MLLT3: variants seen among roughly 807,000 people sequenced by gnomAD.
MLLT3 encodes protein AF-9.
A neutral mutation model predicts 53.2 loss-of-function variants in MLLT3; 4 were observed. That is an observed-to-expected ratio of 0.08 (90% CI 0.04 to 0.17). MLLT3 has a LOEUF of 0.17. MLLT3 is among the 10% of genes least tolerant of loss of function. The pLI is 1.00. For missense variants in MLLT3, 569 were observed against 684.0 expected, an observed-to-expected ratio of 0.83 and a Z score of 1.87; for synonymous variants, 283 against 230.6, an observed-to-expected ratio of 1.23 and a Z score of -2.06.
intron 2 of MLLT3, among the ~76,000 whole-genome samples, chr9:20,512,313 A>G (rs1007682147): frequency 3.9e-5 from 6 of 152,182 alleles, no homozygotes; most frequent in Non-Finnish European, 8.8e-5. Flanking sequence ...GCATGCCACC[A>G]TGAATCAGCA....
intron 2 of MLLT3, among the ~76,000 whole-genome samples, chr9:20,505,948 C>A (rs1825370372): frequency 6.6e-6 from 1 of 152,212 alleles, no homozygotes; most frequent in Non-Finnish European, 1.5e-5. Flanking sequence ...CATGGTCCAA[C>A]TTTACATTCC....
At chr9:20,509,819 T>C (rs1322441144) in intron 2 of MLLT3, among the ~76,000 whole-genome samples, 1 of 152,136 alleles carries the variant, frequency 6.6e-6, no homozygotes, top group African/African-American at 2.4e-5. Context: ...CTAAGTTTTA[T>C]TGTAAAAGAA....
chr9:20,477,629 C>T (rs1824558988), intron 2 of MLLT3, among the ~76,000 whole-genome samples: 1 of 152,042 alleles, frequency 6.6e-6, no homozygotes, highest in South Asian at 2.1e-4. Flanking sequence ...CTCTGGGGCC[C>T]AGGAAGAGTC....
chr9:20,463,310 A>G (rs938810491), intron 2 of MLLT3, among the ~76,000 whole-genome samples: 4 of 152,114 alleles, frequency 2.6e-5, no homozygotes, highest in Non-Finnish European at 5.9e-5. Context: ...TCTTTAACAT[A>G]CGCACAACAT....
At chr9:20,362,498 G>A (rs552219177) in intron 7 of MLLT3, among the ~76,000 whole-genome samples, 13 of 152,164 alleles carry the variant, frequency 8.5e-5, no homozygotes, top group South Asian at 4.1e-4. Flanking sequence ...ATAAGGCCAT[G>A]GGCATATTAA....
chr9:20,343,344 A>AT lies in MLLT3; in HGVS notation c.*3098dup, dbSNP rs1011018531. 12 of 209,338 alleles carry AT rather than the reference A, an allele frequency of 5.7e-5. No individual in the cohort carries two copies. Among genetic ancestry groups the AT allele is most frequent in the Non-Finnish European group, 1.9e-5 (2 of 103,216 alleles). 13.0% of individuals were successfully genotyped at this position (209,338 alleles called of 1,614,324 possible). A position where few individuals can be genotyped will look rare whatever the true frequency, so the allele number is the denominator to read the frequency against. The stretch of plus-strand genomic sequence containing the variant: ...TGTTTAAGACACTCTCTTAAGAGAT[A>AT]TTTTTTTCCTGATCTGAAGTTTTTA... On this transcript the variant is annotated 3_prime_UTR_variant, in exon 11 of 11. Coordinates refer to ENST00000380338, the MANE Select transcript of MLLT3 (RefSeq NM_004529.4).
At position 20,346,405 on chromosome 9, in the gene MLLT3, A is replaced by C. The variant is rs745589977; in HGVS notation, c.*38T>G. Reference sequence around the variant, plus strand: ...AAAAAAAAAAAAAACCAAAAAAAAAAAACACAATAGTTCTTGATGCATCCA... The same window carrying C: ...AAAAAAAAAAAAAACCAAAAAAAAACAACACAATAGTTCTTGATGCATCCA... On this transcript the variant is annotated 3_prime_UTR_variant, in exon 11 of 11. Transcript: ENST00000380338. The C allele has an allele frequency of 6.8e-7, 1 of 1,474,554 alleles. No individual in the cohort carries two copies. The highest frequency in any genetic ancestry group is 9.0e-7 in the Non-Finnish European group (1 of 1,110,994). The allele number at this position is 1,474,554 out of a possible 1,614,324, so 91.3% of individuals were successfully genotyped here. A position where few individuals can be genotyped will look rare whatever the true frequency, so the allele number is the denominator to read the frequency against.
chr9:20,580,535 A>C (rs1182842602), intron 2 of MLLT3, among the ~76,000 whole-genome samples: 1 of 152,022 alleles, frequency 6.6e-6, no homozygotes, highest in Non-Finnish European at 1.5e-5. Flanking sequence ...TTTTTAATCC[A>C]TTTGCTTTGA....
At chr9:20,356,346 G>A (rs1330597278) in intron 8 of MLLT3, among the ~76,000 whole-genome samples, 1 of 152,072 alleles carries the variant, frequency 6.6e-6, no homozygotes, top group East Asian at 1.9e-4. Context: ...CGTATTAACA[G>A]AGGCAAGGCA....
At position 20,430,699 on chromosome 9, in the gene MLLT3, G is replaced by C. The variant is rs1262509730; in HGVS notation, c.421-16274C>G. Reference sequence around the variant, plus strand: ...GAATATCTATATGACCTTGGTATAGGAGAATATACTAAATGGGACATTAAA... The same window carrying C: ...GAATATCTATATGACCTTGGTATAGCAGAATATACTAAATGGGACATTAAA... On this transcript the variant is annotated intron_variant, in intron 4 of 10. Coordinates refer to ENST00000380338, the MANE Select transcript of MLLT3 (RefSeq NM_004529.4). Among the ~76,000 whole-genome samples the C allele has an allele frequency of 4.6e-5, 7 of 152,022 alleles. 1 individual carries two copies. Among genetic ancestry groups the C allele is most frequent in the Admixed American group, 3.9e-4 (6 of 15,278 alleles).
intron 2 of MLLT3, among the ~76,000 whole-genome samples, chr9:20,498,227 CAAAAAAAAAAAAAA>C (rs529049653): frequency 0.03 from 974 of 32,390 alleles, 13 homozygotes; most frequent in South Asian, 0.076. Flanking sequence ...GACGCTGTCT[CAAAAAAAAAAAAAA>C]AAAAAAAAAA....
intron 2 of MLLT3, among the ~76,000 whole-genome samples, chr9:20,612,905 A>G (rs1193843493): frequency 6.6e-6 from 1 of 152,186 alleles, no homozygotes; most frequent in Admixed American, 6.5e-5. Flanking sequence ...ATGAAGACAC[A>G]CGTGCCCACA....
At chr9:20,517,932 G>C (rs992817233) in intron 2 of MLLT3, among the ~76,000 whole-genome samples, 6 of 152,096 alleles carry the variant, frequency 3.9e-5, no homozygotes, top group South Asian at 2.1e-4. Flanking sequence ...GGCATAGAAG[G>C]CAACTCACAA....
At chr9:20,540,680 G>C (rs573309854) in intron 2 of MLLT3, among the ~76,000 whole-genome samples, 4 of 152,174 alleles carry the variant, frequency 2.6e-5, no homozygotes, top group Non-Finnish European at 5.9e-5. Context: ...TTCCCTCCTA[G>C]GCCTCCAGGC....
chr9:20,534,072 T>C (rs940323908), intron 2 of MLLT3, among the ~76,000 whole-genome samples: 2 of 152,122 alleles, frequency 1.3e-5, no homozygotes, highest in Non-Finnish European at 2.9e-5. Context: ...TCCTAATTTG[T>C]CAATTAAATA....
chr9:20,596,442 C>T (rs140692783), intron 2 of MLLT3, among the ~76,000 whole-genome samples: 1 of 152,312 alleles, frequency 6.6e-6, no homozygotes, highest in Non-Finnish European at 1.5e-5. Context: ...ATAATCCCAG[C>T]ACTTTGGGAG....
At chr9:20,365,564 G>A in intron 6 of MLLT3, 105 bp downstream of exon 6, 1 of 1,240,834 alleles carries the variant, frequency 8.1e-7, no homozygotes, top group Non-Finnish European at 1.2e-6. Flanking sequence ...TAGCTAGGAT[G>A]GTCTTGATCT....
At chr9:20,408,248 C>T (rs545744727) in intron 5 of MLLT3, among the ~76,000 whole-genome samples, 10 of 151,168 alleles carry the variant, frequency 6.6e-5, no homozygotes, top group African/African-American at 1.5e-4. Context: ...TACTGAAACA[C>T]GGAAACAAAA....
At chr9:20,614,286 C>T (rs918423316) in intron 2 of MLLT3, among the ~76,000 whole-genome samples, 3 of 152,004 alleles carry the variant, frequency 2.0e-5, no homozygotes, top group East Asian at 3.9e-4. Flanking sequence ...CCCAGCTACT[C>T]GGGAGGCTGA....
Sources: allele counts gnomAD v4.1 joint callset (sites outside exome capture counted in the v4.1 genomes callset), GRCh38; gene constraint gnomAD v4.1.1; transcripts MANE v1.5; gene names NCBI Gene and HGNC (gene_info 2026-07-23, HGNC 2026-07-21).